LRRC18: variants seen among roughly 807,000 people sequenced by gnomAD.
The protein encoded by LRRC18 is leucine-rich repeat-containing protein 18.
Under a neutral mutation model 11.2 loss-of-function variants are expected in LRRC18, and 12 were observed. That is an observed-to-expected ratio of 1.07 (90% CI 0.69 to 1.74). The LOEUF is 1.74. LRRC18 is among the 40% of genes most tolerant of loss of function. The pLI is 0.00. For synonymous variants in LRRC18, 155 were observed against 130.6 expected (o/e 1.19, Z -1.27); for missense variants, 374 against 330.5 (o/e 1.13, Z -1.02).
the LRRC18 span, among the ~76,000 whole-genome samples, chr10:48,938,717 G>A: frequency 6.6e-6 from 1 of 152,184 alleles, no homozygotes; most frequent in Non-Finnish European, 1.5e-5. Flanking sequence ...AGCTCGTCTG[G>A]GGGGGTAAAG....
At chr10:48,936,268 ATGTTT>A in the LRRC18 span, among the ~76,000 whole-genome samples, 1 of 152,270 alleles carries the variant, frequency 6.6e-6, no homozygotes, top group Admixed American at 6.5e-5. Context: ...TTACCATATC[ATGTTT>A]TAAGTCCAAA....
intron 1 of LRRC18, 88 bp downstream of exon 3, chr10:48,913,304 G>A: frequency 8.0e-7 from 1 of 1,243,936 alleles, no homozygotes; most frequent in East Asian, 2.3e-5. Context: ...AGCCACAGGG[G>A]AGCCCTTGGT....
chr10:48,932,826 A>C, the LRRC18 span, among the ~76,000 whole-genome samples: 1 of 152,158 alleles, frequency 6.6e-6, no homozygotes, highest in East Asian at 1.9e-4. Context: ...TTTCTGAGAA[A>C]GCGACATCTG....
chr10:48,936,216 A>T, the LRRC18 span, among the ~76,000 whole-genome samples: 2 of 152,270 alleles, frequency 1.3e-5, no homozygotes, highest in East Asian at 3.9e-4. Flanking sequence ...AAAACAAATC[A>T]TTAAATGAGA....
upstream of LRRC18, among the ~76,000 whole-genome samples, chr10:48,918,814 G>A (rs1302041978): frequency 6.6e-6 from 1 of 152,206 alleles, no homozygotes; most frequent in African/African-American, 2.4e-5. Flanking sequence ...GTTTAGCAGA[G>A]TAAGGCCAGA....
chr10:48,936,394 A>C, the LRRC18 span, among the ~76,000 whole-genome samples: 4 of 152,184 alleles, frequency 2.6e-5, no homozygotes, highest in African/African-American at 7.2e-5. Context: ...GTATACTTCT[A>C]ATTAGAATAT....
At chr10:48,921,537 T>C in the LRRC18 span, among the ~76,000 whole-genome samples, 1 of 152,160 alleles carries the variant, frequency 6.6e-6, no homozygotes, top group Non-Finnish European at 1.5e-5. Flanking sequence ...CTTCATGACT[T>C]TGAATCAGGC....
chr10:48,937,210 C>T, the LRRC18 span, among the ~76,000 whole-genome samples: 150 of 152,272 alleles, frequency 9.9e-4, no homozygotes, highest in Non-Finnish European at 1.9e-3. Context: ...AGATTTTTAA[C>T]GTATGTACAG....
At chr10:48,917,370 G>GA (rs1838647135), upstream of LRRC18, among the ~76,000 whole-genome samples, 1 of 152,146 alleles carries the variant, frequency 6.6e-6, no homozygotes, top group Admixed American at 6.5e-5. Flanking sequence ...CAACAGTGAT[G>GA]AAAAAGATAA....
chr10:48,933,465 T>C, the LRRC18 span, among the ~76,000 whole-genome samples: 5 of 152,208 alleles, frequency 3.3e-5, no homozygotes, highest in African/African-American at 1.2e-4. Context: ...CAGATGGCTC[T>C]CTTGGCCGCC....
At chr10:48,928,158 G>T in the LRRC18 span, among the ~76,000 whole-genome samples, 2 of 152,138 alleles carry the variant, frequency 1.3e-5, no homozygotes, top group East Asian at 1.9e-4. Context: ...TCAGAGAAGC[G>T]GCTTGGCAGG....
the LRRC18 span, among the ~76,000 whole-genome samples, chr10:48,924,297 C>T: frequency 6.6e-6 from 1 of 152,218 alleles, no homozygotes; most frequent in East Asian, 1.9e-4. Flanking sequence ...TCCATCCTGA[C>T]CCCCTAAGCT....
upstream of LRRC18, among the ~76,000 whole-genome samples, chr10:48,916,920 T>A (rs1316277388): frequency 6.6e-6 from 1 of 151,374 alleles, no homozygotes; most frequent in Non-Finnish European, 1.5e-5. Context: ...TACAACCATG[T>A]GCTGCATAAT....
At chr10:48,912,305 G>A (rs144988237) in intron 1 of LRRC18, among the ~76,000 whole-genome samples, 267 of 152,326 alleles carry the variant, frequency 1.8e-3, no homozygotes, top group Middle Eastern at 0.01. Context: ...TTCTCCATGT[G>A]CTGCCTGTTT....
chr10:48,913,796 G>A (rs752094275), exon 1 of LRRC18: 4 of 1,614,136 alleles, frequency 2.5e-6, no homozygotes, highest in East Asian at 2.2e-5. Flanking sequence ...GGATGTTCTT[G>A]AGTTGCTTCA....
chr10:48,909,940 G>A (rs1400021597), exon 2 of LRRC18: 1 of 394,618 alleles, frequency 2.5e-6, no homozygotes, highest in East Asian at 4.5e-5. Context: ...AAGTCTTAAA[G>A]TCTTAAATAT....
chr10:48,917,495 C>T (rs150737152), upstream of LRRC18, among the ~76,000 whole-genome samples: 59 of 152,198 alleles, frequency 3.9e-4, no homozygotes, highest in African/African-American at 1.3e-3. Flanking sequence ...TGAAAGCTGC[C>T]GGAGAACAAT....
At chr10:48,919,867 C>CAA in the LRRC18 span, among the ~76,000 whole-genome samples, 1 of 150,832 alleles carries the variant, frequency 6.6e-6, no homozygotes, top group African/African-American at 2.4e-5. Flanking sequence ...TGATCTCTTT[C>CAA]AAAAAAAAAT....
At chr10:48,929,438 G>C in the LRRC18 span, among the ~76,000 whole-genome samples, 2 of 152,156 alleles carry the variant, frequency 1.3e-5, no homozygotes, top group East Asian at 1.9e-4. Context: ...TGGGCATCAG[G>C]GGGCAGTGGA....
Sources: allele counts gnomAD v4.1 joint callset (sites outside exome capture counted in the v4.1 genomes callset), GRCh38; gene constraint gnomAD v4.1.1; transcripts MANE v1.5; gene names NCBI Gene and HGNC (gene_info 2026-07-23, HGNC 2026-07-21).